Variants in TBCA observed in about 807,000 individuals in gnomAD.
The protein encoded by TBCA is tubulin-specific chaperone A.
A neutral mutation model predicts 15.8 loss-of-function variants in TBCA; 6 were observed. That is an observed-to-expected ratio of 0.38 (90% CI 0.21 to 0.75). The LOEUF (loss-of-function observed/expected upper bound fraction) is 0.75. Ranked by LOEUF, TBCA falls within the 30% of genes least tolerant of loss-of-function variation. The pLI, the probability that TBCA is intolerant of heterozygous loss-of-function variation, is 0.46. For synonymous variants in TBCA, 32 were observed against 42.3 expected, an observed-to-expected ratio of 0.76 and a Z score of 0.94; for missense variants, 90 against 131.2, an observed-to-expected ratio of 0.69 and a Z score of 1.53.
At chr5:77,772,104 A>T (rs1329158337) in intron 1 of TBCA, among the ~76,000 whole-genome samples, 1 of 152,100 alleles carries the variant, frequency 6.6e-6, no homozygotes, top group Non-Finnish European at 1.5e-5. Context: ...AAAGAAAAGA[A>T]TAGAATCCCT....
At chr5:77,761,221 G>C (rs1747627001) in intron 1 of TBCA, among the ~76,000 whole-genome samples, 1 of 151,936 alleles carries the variant, frequency 6.6e-6, no homozygotes, top group Non-Finnish European at 1.5e-5. Flanking sequence ...AAAAGAAAGA[G>C]AGATCAGATT....
At chr5:77,697,210 G>T (rs1247710582) in intron 2 of TBCA, among the ~76,000 whole-genome samples, 1 of 152,114 alleles carries the variant, frequency 6.6e-6, no homozygotes, top group Admixed American at 6.6e-5. Flanking sequence ...ATCAGTAAAG[G>T]TATAAAAGAA....
chr5:77,761,254 A>T (rs533980222), intron 1 of TBCA, among the ~76,000 whole-genome samples: 3 of 152,220 alleles, frequency 2.0e-5, no homozygotes, highest in East Asian at 1.9e-4. Context: ...GTGTAGAAAG[A>T]AGTAGACATA....
Position 77,749,324 on chromosome 5 carries a change from G to A in TBCA, c.53+26881C>T, listed in dbSNP as rs535585394. On this transcript the variant is annotated intron_variant, in intron 1 of 3. Transcript: ENST00000380377. ...AGCATGGACTACAGTTATTATATGC[G>A]TAATAATACTGCATCTTTACACTTG... Among the ~76,000 whole-genome samples, 88 of 152,272 alleles carry A rather than the reference G, an allele frequency of 5.8e-4. 1 individual carries two copies. Among genetic ancestry groups the A allele is most frequent in the Admixed American group, 1.4e-3 (21 of 15,298 alleles).
chr5:77,768,579 T>C (rs185899824), intron 1 of TBCA, among the ~76,000 whole-genome samples: 2 of 152,192 alleles, frequency 1.3e-5, no homozygotes, highest in African/African-American at 4.8e-5. Context: ...AAAATCCTTA[T>C]AAAGGAAGAT....
chr5:77,759,637 C>T (rs1198942699), intron 1 of TBCA, among the ~76,000 whole-genome samples: 2 of 152,122 alleles, frequency 1.3e-5, no homozygotes, highest in African/African-American at 2.4e-5. Flanking sequence ...CAATTAAAGA[C>T]TCAGTTATGC....
intron 2 of TBCA, among the ~76,000 whole-genome samples, chr5:77,703,433 G>A (rs1332125852): frequency 6.6e-6 from 1 of 152,100 alleles, no homozygotes; most frequent in Admixed American, 6.6e-5. Context: ...GAAGCAGAAG[G>A]CTAAAATCAA....
At chr5:77,771,439 T>C (rs1307022658) in intron 1 of TBCA, among the ~76,000 whole-genome samples, 3 of 152,166 alleles carry the variant, frequency 2.0e-5, no homozygotes, top group Non-Finnish European at 4.4e-5. Flanking sequence ...ATCTAACCTC[T>C]CTCTCTTGAA....
chr5:77,722,668 A>AAG (rs1746551784), intron 1 of TBCA, among the ~76,000 whole-genome samples: 1 of 151,958 alleles, frequency 6.6e-6, no homozygotes, highest in African/African-American at 2.4e-5. Context: ...CATGCTTATT[A>AAG]AGAGCTAGTG....
At chr5:77,693,036 C>A in intron 3 of TBCA, 1 of 1,424,918 alleles carries the variant, frequency 7.0e-7, no homozygotes. Context: ...ATTTAACTAG[C>A]TAAATTTTAA....
chr5:77,775,726 T>C (rs1457390095), intron 1 of TBCA, among the ~76,000 whole-genome samples: 2 of 152,146 alleles, frequency 1.3e-5, no homozygotes, highest in Non-Finnish European at 2.9e-5. Context: ...GTCACACGGC[T>C]CCACTACGGT....
At chr5:77,747,334 C>T (rs908140988) in intron 1 of TBCA, among the ~76,000 whole-genome samples, 1 of 151,994 alleles carries the variant, frequency 6.6e-6, no homozygotes, top group Non-Finnish European at 1.5e-5. Context: ...TTATTCATTT[C>T]AAATAACTTC....
At chr5:77,707,878 G>T (rs1746185345) in intron 2 of TBCA, among the ~76,000 whole-genome samples, 1 of 152,122 alleles carries the variant, frequency 6.6e-6, no homozygotes, top group African/African-American at 2.4e-5. Context: ...GCTATGCCAG[G>T]TGTGGTGGCT....
rs185982530 is a variant in TBCA, at chr5:77,744,772, G to A, written c.53+31433C>T. Among the ~76,000 whole-genome samples the A allele has an allele frequency of 3.9e-3, 588 of 152,136 alleles. 4 individuals carry two copies. The highest frequency in any genetic ancestry group is 0.012 in the African/African-American group (497 of 41,482). On this transcript the variant is annotated intron_variant, in intron 1 of 3. Transcript: ENST00000380377. ...GCTGGTCTCGAACTCCTGACCTCAAGTGATCCACCCGCTTCGGCCTCCAAA... is the reference window on the plus strand; with the variant it reads ...GCTGGTCTCGAACTCCTGACCTCAAATGATCCACCCGCTTCGGCCTCCAAA...
At chr5:77,738,510 T>G (rs1402673227) in intron 1 of TBCA, among the ~76,000 whole-genome samples, 2 of 152,264 alleles carry the variant, frequency 1.3e-5, no homozygotes, top group Non-Finnish European at 2.9e-5. Context: ...CATTTAGTCA[T>G]GCACATGGCC....
At chr5:77,775,380 C>T (rs765758942) in intron 1 of TBCA, among the ~76,000 whole-genome samples, 1 of 152,170 alleles carries the variant, frequency 6.6e-6, no homozygotes, top group Non-Finnish European at 1.5e-5. Flanking sequence ...GTTGTCCTGC[C>T]TTTCTGGAGG....
At chr5:77,713,112 G>A (rs1432556928) in intron 1 of TBCA, among the ~76,000 whole-genome samples, 1 of 151,968 alleles carries the variant, frequency 6.6e-6, no homozygotes, top group Non-Finnish European at 1.5e-5. Flanking sequence ...TGGGCAACAC[G>A]GCGAGATTTT....
chr5:77,698,723 C>CA (rs1159992684), intron 2 of TBCA, among the ~76,000 whole-genome samples: 1 of 151,942 alleles, frequency 6.6e-6, no homozygotes, highest in Non-Finnish European at 1.5e-5. Flanking sequence ...AAAGACAGCA[C>CA]AAAAAACGAA....
intron 1 of TBCA, among the ~76,000 whole-genome samples, chr5:77,747,141 C>G (rs1747204684): frequency 6.6e-6 from 1 of 151,986 alleles, no homozygotes; most frequent in Admixed American, 6.6e-5. Context: ...CATACATACA[C>G]TTACCAGCCA....
Sources: allele counts gnomAD v4.1 joint callset (sites outside exome capture counted in the v4.1 genomes callset), GRCh38; gene constraint gnomAD v4.1.1; transcripts MANE v1.5; gene names NCBI Gene and HGNC (gene_info 2026-07-23, HGNC 2026-07-21).